ABCC4: variants seen among roughly 807,000 people sequenced by gnomAD.
ABCC4 encodes ATP binding cassette subfamily C member 4 (PEL blood group).
Under a neutral mutation model 168.5 loss-of-function variants are expected in ABCC4, and 102 were observed. The observed-to-expected ratio is 0.61, with a 90% confidence interval of 0.52 to 0.71. The LOEUF (loss-of-function observed/expected upper bound fraction) is 0.71. Among genes scored for constraint, ABCC4 ranks in the 30% least tolerant of loss-of-function variants. ABCC4 has a pLI of 0.00. For missense variants in ABCC4, 1,402 were observed against 1,605.8 expected, an observed-to-expected ratio of 0.87 and a Z score of 2.17; for synonymous variants, 617 against 590.7, an observed-to-expected ratio of 1.04 and a Z score of -0.65.
chr13:95,039,987 T>C (rs1349669560), intron 29 of ABCC4, among the ~76,000 whole-genome samples: 1 of 152,098 alleles, frequency 6.6e-6, no homozygotes, highest in Admixed American at 6.5e-5. Context: ...GCCACCATGA[T>C]GAAAGGGGTG....
intron 26 of ABCC4, among the ~76,000 whole-genome samples, chr13:95,055,038 C>T (rs1342735014): frequency 6.6e-6 from 1 of 152,172 alleles, no homozygotes; most frequent in African/African-American, 2.4e-5. Flanking sequence ...GGCCAATATC[C>T]TTCCAAAAGC....
At chr13:95,061,971 G>T (rs1276112604) in intron 26 of ABCC4, among the ~76,000 whole-genome samples, 1 of 152,170 alleles carries the variant, frequency 6.6e-6, no homozygotes, top group East Asian at 1.9e-4. Context: ...CACTCCTTGA[G>T]AGTCACTTCT....
In ABCC4 at chr13:95,225,359, G is replaced by A. The variant is rs1368452606; in HGVS notation, c.531+9251C>T. The stretch of plus-strand genomic sequence containing the variant: ...GTATTTCTATATACTAACAACAAAC[G>A]GTAAGTGAAAATTTAAAATACGATT... On this transcript the variant is annotated intron_variant, in intron 4 of 30. Coordinates refer to ENST00000645237, the MANE Select transcript of ABCC4 (RefSeq NM_005845.5). 6.6e-5 allele frequency among the ~76,000 whole-genome samples: 10 copies of A among 152,086 alleles called. No individual in the cohort carries two copies. The East Asian group carries it at 7.7e-4, about 12-fold the overall frequency.
At chr13:95,054,429 T>A (rs964656323) in intron 26 of ABCC4, among the ~76,000 whole-genome samples, 1 of 151,796 alleles carries the variant, frequency 6.6e-6, no homozygotes, top group Admixed American at 6.6e-5. Context: ...GCACCTGTAG[T>A]CCCAGCTACT....
At chr13:95,299,073 T>C (rs994240950) in intron 1 of ABCC4, among the ~76,000 whole-genome samples, 1 of 151,636 alleles carries the variant, frequency 6.6e-6, no homozygotes, top group Non-Finnish European at 1.5e-5. Context: ...AGCAACAACA[T>C]AGAGAGCCCT....
Position 95,170,637 on chromosome 13 carries a change from G to A in ABCC4, c.1728-9C>T. ...AAATTTGACAAATACACCTATAAAT[G>A]TAAAAGGCACAGGGTGAAAAAATGC... On this transcript the variant is annotated splice_polypyrimidine_tract_variant and intron_variant, in intron 13 of 30. Coordinates refer to ENST00000645237, the MANE Select transcript of ABCC4 (RefSeq NM_005845.5). 6.3e-7 allele frequency: 1 copy of A among 1,575,042 alleles called. No individual in the cohort carries two copies. The highest frequency in any genetic ancestry group is 1.7e-5 in the Admixed American group (1 of 58,718).
chr13:95,235,270 CTTCT>C lies in ABCC4; in HGVS notation c.307-440_307-437del, dbSNP rs562030928. 3.4e-3 allele frequency among the ~76,000 whole-genome samples: 517 copies of C among 152,248 alleles called. 6 individuals are homozygous for C. The highest frequency in any genetic ancestry group is 5.6e-3 in the Admixed American group (86 of 15,294). On this transcript the variant is annotated intron_variant, in intron 3 of 30. Transcript: ENST00000645237. ...TCTAAAAGAAAAGCAGAACTGTTTT[CTTCT>C]TTAAGACAAGCCGATAGGAGTTTTA...
intron 19 of ABCC4, among the ~76,000 whole-genome samples, chr13:95,123,550 C>T (rs1367405534): frequency 6.6e-6 from 1 of 152,048 alleles, no homozygotes; most frequent in Non-Finnish European, 1.5e-5. Flanking sequence ...TTAGTAGAGA[C>T]GGGGTTTCAC....
chr13:95,079,760 G>A (rs1162514647), intron 21 of ABCC4, among the ~76,000 whole-genome samples: 2 of 152,100 alleles, frequency 1.3e-5, no homozygotes, highest in African/African-American at 4.8e-5. Flanking sequence ...TCTTGAACTC[G>A]GGAGGTGGAA....
intron 21 of ABCC4, among the ~76,000 whole-genome samples, chr13:95,078,816 G>A (rs946858526): frequency 1.3e-5 from 2 of 152,172 alleles, no homozygotes; most frequent in Admixed American, 1.3e-4. Context: ...GAATGCCACT[G>A]AGAAGGAAGG....
intron 19 of ABCC4, among the ~76,000 whole-genome samples, chr13:95,126,937 G>T (rs886757023): frequency 6.7e-6 from 1 of 149,774 alleles, no homozygotes; most frequent in African/African-American, 2.5e-5. Context: ...TTTAACCATT[G>T]AATTTCTTCT....
At chr13:95,153,744 A>G (rs4148504) in intron 19 of ABCC4, among the ~76,000 whole-genome samples, 2,122 of 152,304 alleles carry the variant, frequency 0.014, 44 homozygotes, top group East Asian at 0.087. Context: ...ACATTCTAGT[A>G]GATTAAAAAT....
intron 30 of ABCC4, among the ~76,000 whole-genome samples, chr13:95,025,269 ACCC>A (rs2031409915): frequency 4.8e-4 from 8 of 16,684 alleles, no homozygotes; most frequent in Non-Finnish European, 7.9e-4. Flanking sequence ...ACACCCCCAC[ACCC>A]CCACACACAC....
intron 3 of ABCC4, among the ~76,000 whole-genome samples, chr13:95,238,867 T>C (rs1359145918): frequency 6.6e-6 from 1 of 152,188 alleles, no homozygotes; most frequent in Non-Finnish European, 1.5e-5. Context: ...TGAAGAACTT[T>C]TAAGACCACA....
chr13:95,103,779 T>C (rs2034898354), intron 20 of ABCC4, among the ~76,000 whole-genome samples: 1 of 152,176 alleles, frequency 6.6e-6, no homozygotes, highest in South Asian at 2.1e-4. Context: ...CTCTAAACTC[T>C]AAATTCCTGT....
At position 95,044,422 on chromosome 13, in the gene ABCC4, G is replaced by C; in HGVS notation, c.3473C>G (p.Thr1158Ser). 6.2e-7 allele frequency: 1 copy of C among 1,610,352 alleles called. No individual in the cohort carries two copies. The change falls in exon 28 of 31, where the codon ACC (threonine) becomes AGC (serine). Residue 1158 changes from threonine to serine, a missense_variant. Around this residue, in one of 3 missense-constraint regions of ABCC4, gnomAD observed 1,007 missense variants for 1,127.3 expected, o/e 0.89. Coordinates refer to ENST00000645237, the MANE Select transcript of ABCC4 (RefSeq NM_005845.5). ...NALQEVQLKE[T>S]IEDLPGKMDT... The stretch of plus-strand genomic sequence containing the variant: ...CATTTTACCAGGAAGATCTTCAATG[G>C]TTTCTTTAAGTTGTACCTGTAGATG...
At chr13:95,163,708 A>G in intron 16 of ABCC4, 61 bp from the exon 17 acceptor site, 1 of 1,386,224 alleles carries the variant, frequency 7.2e-7, no homozygotes, top group South Asian at 1.2e-5. Context: ...CCAACTCAAA[A>G]CTCTCAATCG....
rs139736964 is a variant in ABCC4 at position 95,159,175 on chromosome 13, G to A, written c.2455+2014C>T. 2.5e-3 allele frequency among the ~76,000 whole-genome samples: 349 copies of A among 137,068 alleles called. 1 individual carries two copies. Among genetic ancestry groups the A allele is most frequent in the African/African-American group, 8.6e-3 (330 of 38,222 alleles). The allele number at this position is 137,068 out of a possible 152,430, so 89.9% of individuals were successfully genotyped here. A position where few individuals can be genotyped will look rare whatever the true frequency, so the allele number is the denominator to read the frequency against. ...CAATCAGTAATGTGAATTCTGAGGC[G>A]TAATTCACAGATTTTGTGTATCCTT... On this transcript the variant is annotated intron_variant, in intron 19 of 30. Coordinates refer to ENST00000645237, the MANE Select transcript of ABCC4 (RefSeq NM_005845.5).
At chr13:95,065,358 A>T (rs1323635019) in intron 25 of ABCC4, among the ~76,000 whole-genome samples, 1 of 152,244 alleles carries the variant, frequency 6.6e-6, no homozygotes, top group African/African-American at 2.4e-5. Context: ...CCACAACCCC[A>T]GCAATCTGAC....
Sources: gnomAD v4.1 joint callset for allele counts (sites outside exome capture counted in the v4.1 genomes callset) on GRCh38, gnomAD v4.1.1 for gene constraint, gnomAD v4.1.1 regional missense constraint, MANE v1.5 for transcripts, NCBI Gene and HGNC (gene_info 2026-07-23, HGNC 2026-07-21) for gene names.